The following ANK3 variants were observed in gnomAD, a reference collection of about 807,000 sequenced individuals.
The protein encoded by ANK3 is ankyrin 3.
In ANK3, 57 loss-of-function variants were observed where a neutral mutation model predicts 370.9. That is an observed-to-expected ratio of 0.15 (90% CI 0.12 to 0.19). The LOEUF (loss-of-function observed/expected upper bound fraction) is 0.19. Ranked by LOEUF, ANK3 falls within the 10% of genes least tolerant of loss-of-function variation. The pLI is 1.00. For synonymous variants in ANK3, 1,929 were observed against 1,946.3 expected (o/e 0.99, Z 0.23); for missense variants, 4,439 against 5,302.1 (o/e 0.84, Z 5.06).
intron 2 of ANK3, among the ~76,000 whole-genome samples, chr10:60,564,586 T>G (rs2077415106): frequency 6.6e-6 from 1 of 152,040 alleles, no homozygotes; most frequent in South Asian, 2.1e-4. Context: ...ACAATATAAT[T>G]CCAGCAGCAT....
chr10:60,173,332 C>T (rs879809923), intron 18 of ANK3, 146 bp from the exon 19 acceptor site: 6 of 611,392 alleles, frequency 9.8e-6, no homozygotes, highest in Non-Finnish European at 1.7e-5. Context: ...AAAAAATTGC[C>T]CTTGATAATT....
At chr10:60,435,636 A>C (rs1459165699) in intron 2 of ANK3, among the ~76,000 whole-genome samples, 1 of 152,186 alleles carries the variant, frequency 6.6e-6, no homozygotes, top group Non-Finnish European at 1.5e-5. Flanking sequence ...ACGGACCCAA[A>C]AAACCTCATG....
chr10:60,043,283 G>C, intron 42 of ANK3: 1 of 985,422 alleles, frequency 1.0e-6, no homozygotes, highest in Non-Finnish European at 1.2e-6. Context: ...TTCCCCGAGA[G>C]CAAGGTTGTG....
At chr10:60,284,758 C>T (rs2098219776) in intron 1 of ANK3, among the ~76,000 whole-genome samples, 1 of 151,980 alleles carries the variant, frequency 6.6e-6, no homozygotes, top group South Asian at 2.1e-4. Context: ...CCAGTGAGTA[C>T]ATAACATAGC....
At chr10:60,331,179 T>C (rs759564968) in intron 1 of ANK3, among the ~76,000 whole-genome samples, 16 of 152,078 alleles carry the variant, frequency 1.1e-4, no homozygotes, top group Non-Finnish European at 1.9e-4. Context: ...GATGGGTTGA[T>C]GGGTGCAGCA....
At chr10:60,259,380 C>T (rs2097774597) in intron 7 of ANK3, among the ~76,000 whole-genome samples, 1 of 152,138 alleles carries the variant, frequency 6.6e-6, no homozygotes, top group African/African-American at 2.4e-5. Flanking sequence ...GCTCAGAATG[C>T]TATTAGACCT....
At chr10:60,233,937 T>G (rs1392579685) in intron 8 of ANK3, among the ~76,000 whole-genome samples, 4 of 152,196 alleles carry the variant, frequency 2.6e-5, no homozygotes, top group African/African-American at 9.6e-5. Context: ...ACTACCATAC[T>G]ACTTTCTGTT....
rs775784402 is a variant in ANK3 at position 60,075,946 on chromosome 10, G to A, written c.4935C>T (p.Ala1645=). Residue 1645 remains alanine, a synonymous_variant, in exon 37 of 44, where the codon GCC becomes GCT. Coordinates refer to ENST00000280772, the MANE Select transcript of ANK3 (RefSeq NM_020987.5). ...ACATATTAATGTTTGATTTGGGGGA[G>A]GCAGGGGGTGTCATAGTAATTGATG... is the stretch of plus-strand genomic sequence containing the variant. ...ERSSITMTPP[A]SPKSNINMYS... is the part of the protein sequence containing the mutation. The A allele has an allele frequency of 1.2e-6, 2 of 1,614,134 alleles. No individual in the cohort carries two copies. The highest frequency in any genetic ancestry group is 2.2e-5 in the South Asian group (2 of 91,084).
Position 60,389,722 on chromosome 10 carries a change from A to ATGG in ANK3, c.-187_-185dup, listed in dbSNP as rs2062932703. Reference sequence around the variant, plus strand: ...GCTGAAGCTTTTAAAAACCCAAATGATGGTGTCCGGACTTCATCCTACACC... The same window carrying ATGG: ...GCTGAAGCTTTTAAAAACCCAAATGATGGTGGTGTCCGGACTTCATCCTACACC... On this transcript the variant is annotated 5_prime_UTR_variant, in exon 1 of 44. Transcript: ENST00000280772. 31 of 1,431,496 alleles carry ATGG rather than the reference A, an allele frequency of 2.2e-5. No homozygotes were observed. Among genetic ancestry groups the ATGG allele is most frequent in the Non-Finnish European group, 2.8e-5 (31 of 1,099,258 alleles). The allele number at this position is 1,431,496 out of a possible 1,614,324, so 88.7% of individuals were successfully genotyped here. A position where few individuals can be genotyped will look rare whatever the true frequency, so the allele number is the denominator to read the frequency against.
chr10:60,693,339 G>T (rs2079387265), intron 1 of ANK3, among the ~76,000 whole-genome samples: 2 of 152,238 alleles, frequency 1.3e-5, no homozygotes, highest in African/African-American at 4.8e-5. Context: ...GCCCGCCATT[G>T]CCCAGGCTTG....
chr10:60,044,996 T>C (rs1344945638), intron 42 of ANK3, among the ~76,000 whole-genome samples: 1 of 152,106 alleles, frequency 6.6e-6, no homozygotes, highest in Non-Finnish European at 1.5e-5. Flanking sequence ...GGCAAAAAAA[T>C]AGATAAAATC....
intron 2 of ANK3, among the ~76,000 whole-genome samples, chr10:60,443,163 A>G (rs1275203327): frequency 6.6e-6 from 1 of 152,210 alleles, no homozygotes; most frequent in Non-Finnish European, 1.5e-5. Flanking sequence ...TTTATTGTAT[A>G]TCTGCTTTGA....
At chr10:60,443,638 C>T (rs1567045244) in intron 2 of ANK3, among the ~76,000 whole-genome samples, 1 of 152,010 alleles carries the variant, frequency 6.6e-6, no homozygotes, top group Non-Finnish European at 1.5e-5. Context: ...GAATATTGTA[C>T]TAAAAAAGAT....
At chr10:60,463,752 C>A (rs1253084693) in intron 2 of ANK3, among the ~76,000 whole-genome samples, 1 of 150,090 alleles carries the variant, frequency 6.7e-6, no homozygotes, top group African/African-American at 2.4e-5. Context: ...TTTCTTTACA[C>A]TTTTCATTTC....
chr10:60,039,667 G>A (rs1223770186), intron 43 of ANK3, among the ~76,000 whole-genome samples: 8 of 152,090 alleles, frequency 5.3e-5, no homozygotes, highest in Non-Finnish European at 1.0e-4. Flanking sequence ...AGTACCTTGA[G>A]TAAATCATTT....
intron 42 of ANK3, among the ~76,000 whole-genome samples, chr10:60,053,225 C>T (rs151321539): frequency 5.9e-5 from 9 of 152,064 alleles, no homozygotes; most frequent in Middle Eastern, 6.8e-3. Context: ...TCTGTGTTGA[C>T]GAAAGAAAAG....
chr10:60,079,169 CTAGCT>C (rs2084521371), intron 36 of ANK3, among the ~76,000 whole-genome samples: 2 of 50,066 alleles, frequency 4.0e-5, no homozygotes, highest in South Asian at 7.0e-4. Flanking sequence ...ACCTAGCTAC[CTAGCT>C]ACACACACAC....
intron 2 of ANK3, among the ~76,000 whole-genome samples, chr10:60,539,748 G>C (rs2076804764): frequency 6.6e-6 from 1 of 151,892 alleles, no homozygotes; most frequent in South Asian, 2.1e-4. Flanking sequence ...GCCTCTGCAA[G>C]ACAAAGAGGT....
At position 60,134,280 on chromosome 10, in the gene ANK3, G is replaced by C. The variant is rs1434507925; in HGVS notation, c.2832C>G (p.Ser944=). 6.2e-7 allele frequency: 1 copy of C among 1,613,412 alleles called. No individual in the cohort carries two copies. Among genetic ancestry groups the C allele is most frequent in the African/African-American group, 1.3e-5 (1 of 74,906 alleles). The change falls in exon 25 of 44, where the codon TCC becomes TCG. Residue 944 remains serine, a synonymous_variant. Transcript: ENST00000280772. ...TGAAAAGAATGCATACCTGCTCTTT[G>C]GATGGCACAAGGAGTTCTTCAATCA... is the stretch of plus-strand genomic sequence containing the variant. The part of the protein sequence containing the change: ...SMMIEELLVP[S]KEQHLTFTRE...
Sources: gnomAD v4.1 joint callset for allele counts (sites outside exome capture counted in the v4.1 genomes callset) on GRCh38, gnomAD v4.1.1 for gene constraint, MANE v1.5 for transcripts, NCBI Gene and HGNC (gene_info 2026-07-23, HGNC 2026-07-21) for gene names.